Variants in ATP8A1 observed in about 807,000 individuals in gnomAD.
The protein encoded by ATP8A1 is ATPase phospholipid transporting 8A1, also known as phospholipid-transporting ATPase IA.
Under a neutral mutation model 177.7 loss-of-function variants are expected in ATP8A1, and 90 were observed. The observed-to-expected ratio is 0.51, with a 90% CI of 0.43 to 0.60. ATP8A1 has a LOEUF of 0.60. Among genes scored for constraint, ATP8A1 ranks in the 20% least tolerant of loss-of-function variants. ATP8A1 has a pLI of 0.00. For synonymous variants in ATP8A1, 493 were observed against 485.9 expected (o/e 1.01, Z -0.19); for missense variants, 1,072 against 1,392.8 (o/e 0.77, Z 3.67).
intron 24 of ATP8A1, among the ~76,000 whole-genome samples, chr4:42,497,774 CAT>C (rs1253188651): frequency 2.0e-5 from 3 of 152,176 alleles, no homozygotes; most frequent in Non-Finnish European, 2.9e-5. Context: ...ATTATTTGTT[CAT>C]ATGTTATTTT....
intron 1 of ATP8A1, among the ~76,000 whole-genome samples, chr4:42,647,274 T>C (rs1321513660): frequency 6.6e-6 from 1 of 152,170 alleles, no homozygotes; most frequent in African/African-American, 2.4e-5. Flanking sequence ...TCACAAAATT[T>C]TATATTCTGA....
intron 25 of ATP8A1, among the ~76,000 whole-genome samples, chr4:42,469,593 T>C (rs556408047): frequency 3.9e-5 from 6 of 152,350 alleles, no homozygotes; most frequent in East Asian, 1.9e-4. Flanking sequence ...TTGCCCCTCT[T>C]TGATAATTTC....
intron 1 of ATP8A1, 43 bp from the exon 2 acceptor site, chr4:42,627,152 T>C: frequency 1.4e-6 from 2 of 1,471,862 alleles, no homozygotes; most frequent in Non-Finnish European, 1.9e-6. Context: ...TGTTTTATTG[T>C]CCAGACCAAA....
Position 42,507,780 on chromosome 4 carries a change from TAAAAAAAAAAAAAAAAA to T in ATP8A1, c.1948-643_1948-627del. On this transcript the variant is annotated intron_variant, in intron 22 of 36. Coordinates refer to ENST00000381668, the MANE Select transcript of ATP8A1 (RefSeq NM_006095.2). ...AGTCAGTTAAAAAGGACAGGCATTC[TAAAAAAAAAAAAAAAAA>T]AAAAAAAAAAAACATACAAACAGCT... Among the ~76,000 whole-genome samples, 7 of 17,700 alleles carry T rather than the reference TAAAAAAAAAAAAAAAAA, an allele frequency of 4.0e-4. 1 individual carries two copies. In the Admixed American group the frequency reaches 4.5e-3, roughly 11 times the overall value. The allele number at this position is 17,700 out of a possible 152,430, so 11.6% of individuals were successfully genotyped here.
At chr4:42,468,726 G>A (rs1035658907) in intron 25 of ATP8A1, among the ~76,000 whole-genome samples, 1 of 152,122 alleles carries the variant, frequency 6.6e-6, no homozygotes, top group Non-Finnish European at 1.5e-5. Context: ...CTGCTCGGGT[G>A]ATGGGTACAC....
intron 23 of ATP8A1, 48 bp from the exon 24 acceptor site, chr4:42,503,562 T>C (rs999310840): frequency 2.4e-6 from 3 of 1,238,312 alleles, no homozygotes; most frequent in Non-Finnish European, 3.5e-6. Flanking sequence ...CCAGAGAATA[T>C]GTAAAGATGT....
chr4:42,519,796 A>G (rs906395263), intron 22 of ATP8A1, among the ~76,000 whole-genome samples: 1 of 152,188 alleles, frequency 6.6e-6, no homozygotes, highest in African/African-American at 2.4e-5. Context: ...GCTTACTATG[A>G]AGTGAAGACA....
chr4:42,559,958 G>A (rs1009291118), intron 15 of ATP8A1, among the ~76,000 whole-genome samples: 3 of 152,128 alleles, frequency 2.0e-5, no homozygotes, highest in Non-Finnish European at 2.9e-5. Context: ...CATCCACCTC[G>A]GCCTCCCAAA....
chr4:42,586,348 C>A lies in ATP8A1; in HGVS notation c.722+1G>T. ...TTTTTATAAAGACGGATTTTACATA[C>A]CCATGTCCATCAAGCCTTATGTTTC... is the stretch of plus-strand genomic sequence containing the variant. On this transcript the variant is annotated splice_donor_variant, in intron 9 of 36. Transcript: ENST00000381668. LOFTEE classifies it high-confidence loss of function. 1.2e-6 allele frequency: 2 copies of A among 1,613,726 alleles called. No individual in the cohort carries two copies. The highest frequency in any genetic ancestry group is 8.5e-7 in the Non-Finnish European group (1 of 1,179,840).
chr4:42,584,997 T>C (rs1032690428), intron 9 of ATP8A1, among the ~76,000 whole-genome samples: 6 of 152,110 alleles, frequency 3.9e-5, no homozygotes, highest in South Asian at 2.1e-4. Flanking sequence ...TCATTGATCA[T>C]AGCACTCCAA....
At chr4:42,596,490 C>A (rs1383109331) in intron 6 of ATP8A1, among the ~76,000 whole-genome samples, 2 of 151,442 alleles carry the variant, frequency 1.3e-5, no homozygotes, top group African/African-American at 4.9e-5. Context: ...GCCAATATGG[C>A]GAAACCCTGT....
At chr4:42,575,475 A>T in intron 13 of ATP8A1, 147 bp downstream of exon 13, 1 of 651,938 alleles carries the variant, frequency 1.5e-6, no homozygotes, top group Non-Finnish European at 2.6e-6. Flanking sequence ...TAAAAATGAG[A>T]ATTGTTCATC....
At chr4:42,493,616 G>A (rs965821288) in intron 24 of ATP8A1, among the ~76,000 whole-genome samples, 74 of 151,876 alleles carry the variant, frequency 4.9e-4, no homozygotes, top group African/African-American at 1.7e-3. Flanking sequence ...TAATTTTTTT[G>A]GTTTGACTGA....
At chr4:42,449,710 T>C (rs1231583607) in intron 30 of ATP8A1, among the ~76,000 whole-genome samples, 1 of 152,222 alleles carries the variant, frequency 6.6e-6, no homozygotes, top group Non-Finnish European at 1.5e-5. Flanking sequence ...AAAGCAAATG[T>C]TCCCTAGTCT....
intron 6 of ATP8A1, among the ~76,000 whole-genome samples, chr4:42,597,173 T>G (rs1734801812): frequency 6.6e-6 from 1 of 152,156 alleles, no homozygotes; most frequent in Non-Finnish European, 1.5e-5. Flanking sequence ...GCCACACATT[T>G]AGAAAGGCAG....
At chr4:42,609,756 A>G (rs550570826) in intron 5 of ATP8A1, among the ~76,000 whole-genome samples, 40 of 151,994 alleles carry the variant, frequency 2.6e-4, no homozygotes, top group Middle Eastern at 3.4e-3. Flanking sequence ...CCCCTCCTTA[A>G]TAAGAAAATC....
Position 42,443,620 on chromosome 4 carries a change from C to T in ATP8A1, c.3068G>A (p.Gly1023Glu). Residue 1023 changes from glycine (G) to glutamate (E), a missense_variant, in exon 33 of 37, where the codon GGA (glycine) becomes GAA (glutamate). By Grantham distance (98) the Gly-to-Glu change is moderately conservative. Around this residue, in one of 5 missense-constraint regions of ATP8A1, gnomAD observed 316 missense variants for 459.1 expected, o/e 0.69. Coordinates refer to ENST00000381668, the MANE Select transcript of ATP8A1 (RefSeq NM_006095.2). ...GSIALWVVFF[G>E]IYSSLWPAIP... is the part of the protein sequence containing the mutation. Reference sequence around the variant, plus strand: ...GGCAGGCCACAGAGATGAGTAGATTCCAAAAAACACCACCCAGAGTGCGAT... The same window carrying T: ...GGCAGGCCACAGAGATGAGTAGATTTCAAAAAACACCACCCAGAGTGCGAT... 6.4e-7 allele frequency: 1 copy of T among 1,570,286 alleles called. No individual in the cohort carries two copies. Among genetic ancestry groups the T allele is most frequent in the Non-Finnish European group, 8.8e-7 (1 of 1,140,220 alleles).
chr4:42,580,624 T>C (rs902166060), intron 10 of ATP8A1, among the ~76,000 whole-genome samples: 24 of 152,376 alleles, frequency 1.6e-4, no homozygotes, highest in Middle Eastern at 3.4e-3. Context: ...TGAAGATTTA[T>C]AGAATTTATA....
intron 8 of ATP8A1, among the ~76,000 whole-genome samples, chr4:42,588,059 G>T (rs760871777): frequency 6.6e-5 from 10 of 152,170 alleles, no homozygotes; most frequent in Admixed American, 1.3e-4. Flanking sequence ...CTATAAGATA[G>T]ATCATATTTA....
Sources: gnomAD v4.1 joint callset for allele counts (sites outside exome capture counted in the v4.1 genomes callset) on GRCh38, gnomAD v4.1.1 for gene constraint, gnomAD v4.1.1 regional missense constraint, MANE v1.5 for transcripts, NCBI Gene and HGNC (gene_info 2026-07-23, HGNC 2026-07-21) for gene names.